BCL7A: variants seen among roughly 807,000 people sequenced by gnomAD.
BCL7A encodes the protein B-cell CLL/lymphoma 7 protein family member A.
In BCL7A, 11 loss-of-function variants were observed where a neutral mutation model predicts 28.4. That is an observed-to-expected ratio of 0.39 (90% CI 0.24 to 0.64). BCL7A has a LOEUF of 0.64. Among genes scored for constraint, BCL7A ranks in the 30% least tolerant of loss-of-function variants. The pLI is 0.50. For missense variants in BCL7A, 222 were observed against 274.8 expected, an observed-to-expected ratio of 0.81 and a Z score of 1.36; for synonymous variants, 123 against 103.3, an observed-to-expected ratio of 1.19 and a Z score of -1.15.
intron 1 of BCL7A, among the ~76,000 whole-genome samples, chr12:122,022,397 C>T (rs1262466829): frequency 7.0e-6 from 1 of 143,248 alleles, no homozygotes; most frequent in African/African-American, 2.5e-5. Context: ...CAGGTGCGCT[C>T]GCGCCTGTAG....
At chr12:122,027,071 GGCC>G in intron 1 of BCL7A, among the ~76,000 whole-genome samples, 1 of 152,194 alleles carries the variant, frequency 6.6e-6, no homozygotes, top group Non-Finnish European at 1.5e-5. Flanking sequence ...GCACACCCAG[GGCC>G]AGCTTTGCAG....
At chr12:122,052,203 AAAAT>A (rs1884206588) in intron 4 of BCL7A, among the ~76,000 whole-genome samples, 2 of 151,934 alleles carry the variant, frequency 1.3e-5, no homozygotes, top group South Asian at 2.1e-4. Flanking sequence ...TTAAAAAAAA[AAAAT>A]AAATAAACTA....
chr12:122,041,198 C>T (rs577879227), intron 3 of BCL7A, among the ~76,000 whole-genome samples: 32 of 152,224 alleles, frequency 2.1e-4, no homozygotes, highest in African/African-American at 7.5e-4. Context: ...CAGATGGGTC[C>T]GGCAAGTGGC....
At chr12:122,032,347 C>T (rs1418299384) in intron 2 of BCL7A, among the ~76,000 whole-genome samples, 1 of 152,230 alleles carries the variant, frequency 6.6e-6, no homozygotes, top group Non-Finnish European at 1.5e-5. Context: ...AAGAGCAGGG[C>T]AAGCTCCTCG....
Position 122,059,911 on chromosome 12 carries a change from A to C in BCL7A, c.*748A>C, listed in dbSNP as rs575986884. 86 of 232,488 alleles carry C rather than the reference A, an allele frequency of 3.7e-4. 1 individual carries two copies. The highest frequency in any genetic ancestry group is 2.6e-3 in the Middle Eastern group (2 of 782). The allele number at this position is 232,488 out of a possible 1,614,324, so 14.4% of individuals were successfully genotyped here. A position where few individuals can be genotyped will look rare whatever the true frequency, so the allele number is the denominator to read the frequency against. ...GTGCTCTCCCCTCCTTGGGGCGTTT[A>C]GGACTGGGCGTCTCCAAGCCCACCA... is the stretch of plus-strand genomic sequence containing the variant. On this transcript the variant is annotated 3_prime_UTR_variant, in exon 6 of 6. Transcript: ENST00000261822. The surrounding 1 kb of genome is among the most constrained non-coding windows in gnomAD (Gnocchi z 4.0).
chr12:122,023,141 G>A (rs915775159), intron 1 of BCL7A, among the ~76,000 whole-genome samples: 59 of 152,210 alleles, frequency 3.9e-4, no homozygotes, highest in Non-Finnish European at 8.8e-5. Context: ...GGCCTCGTCG[G>A]GGTCTGCTCG....
At chr12:122,025,825 T>C (rs1179173217) in intron 1 of BCL7A, among the ~76,000 whole-genome samples, 1 of 149,668 alleles carries the variant, frequency 6.7e-6, no homozygotes, top group Non-Finnish European at 1.5e-5. Flanking sequence ...TACACGCCTG[T>C]AATCCCAGCT....
intron 3 of BCL7A, among the ~76,000 whole-genome samples, chr12:122,037,905 C>T (rs762720644): frequency 1.3e-5 from 2 of 152,008 alleles, no homozygotes; most frequent in East Asian, 1.9e-4. Context: ...GCGGAGATTG[C>T]GCCATTGCAC....
intron 3 of BCL7A, 21 bp from the exon 4 acceptor site, chr12:122,043,865 T>C (rs777412253): frequency 6.3e-7 from 1 of 1,594,784 alleles, no homozygotes; most frequent in South Asian, 1.1e-5. Context: ...CATCCTGTGG[T>C]TCTGTTCCCA....
Position 122,059,080 on chromosome 12 carries a change from C to G in BCL7A, c.562-12C>G, listed in dbSNP as rs370765823. On this transcript the variant is annotated splice_polypyrimidine_tract_variant and intron_variant, in intron 5 of 5. Transcript: ENST00000261822. This position sits in a 1 kb window ranked among gnomAD's most constrained non-coding sequence, Gnocchi z 4.0. ...CCATTAACCTGTGTTCCCCTTTTCTCCTCTCCCCAAGGATTTGGAAGGAGT... is the reference window on the plus strand; with the variant it reads ...CCATTAACCTGTGTTCCCCTTTTCTGCTCTCCCCAAGGATTTGGAAGGAGT... The G allele has an allele frequency of 4.4e-6, 7 of 1,598,154 alleles. No individual in the cohort carries two copies. The South Asian group carries it at 6.6e-5, about 15-fold the overall frequency.
At chr12:122,056,009 G>A (rs1951876088) in intron 5 of BCL7A, among the ~76,000 whole-genome samples, 1 of 152,210 alleles carries the variant, frequency 6.6e-6, no homozygotes, top group African/African-American at 2.4e-5. Flanking sequence ...CTAAGGGGCT[G>A]CTTAGGGAAA....
chr12:122,040,662 G>A (rs1417719028), intron 3 of BCL7A, among the ~76,000 whole-genome samples: 1 of 151,776 alleles, frequency 6.6e-6, no homozygotes, highest in Non-Finnish European at 1.5e-5. Flanking sequence ...TTTCATTTTA[G>A]TGCACGTGCA....
At chr12:122,047,161 TA>T (rs1192533968) in intron 4 of BCL7A, among the ~76,000 whole-genome samples, 1 of 151,642 alleles carries the variant, frequency 6.6e-6, no homozygotes, top group Non-Finnish European at 1.5e-5. Flanking sequence ...CTCGGCCTCC[TA>T]AAGTGCTGGG....
rs887753274 is a variant in BCL7A at position 122,030,878 on chromosome 12, G to T, written c.174+97G>T. Reference sequence around the variant, plus strand: ...GTCCACTGCTACCCACCGTGCTGGGGCTCTGGGACCAAGAGCCCCTGGGAG... The same window carrying T: ...GTCCACTGCTACCCACCGTGCTGGGTCTCTGGGACCAAGAGCCCCTGGGAG... On this transcript the variant is annotated intron_variant, in intron 2 of 5. Coordinates refer to ENST00000261822, the MANE Select transcript of BCL7A (RefSeq NM_001024808.3). 3 of 1,297,098 alleles carry T rather than the reference G, an allele frequency of 2.3e-6. No individual in the cohort carries two copies. In the East Asian group the frequency reaches 7.1e-5, roughly 31 times the overall value. The allele number at this position is 1,297,098 out of a possible 1,614,324, so 80.3% of individuals were successfully genotyped here.
chr12:122,046,007 G>A (rs1884069147), intron 4 of BCL7A, among the ~76,000 whole-genome samples: 1 of 140,986 alleles, frequency 7.1e-6, no homozygotes, highest in Admixed American at 7.4e-5. Context: ...GGTCGAGGCT[G>A]CAGTGAGCCA....
chr12:122,056,721 G>T (rs1477810576), intron 5 of BCL7A, among the ~76,000 whole-genome samples: 1 of 152,130 alleles, frequency 6.6e-6, no homozygotes, highest in Non-Finnish European at 1.5e-5. Flanking sequence ...CGGGAGGATT[G>T]CTTGAGCCTG....
At chr12:122,025,147 C>G (rs530832404) in intron 1 of BCL7A, among the ~76,000 whole-genome samples, 7 of 152,142 alleles carry the variant, frequency 4.6e-5, no homozygotes, top group South Asian at 2.1e-4. Context: ...GGGCCCTGTG[C>G]TGGTGGAGGA....
At chr12:122,052,804 T>A (rs1884217476) in intron 4 of BCL7A, among the ~76,000 whole-genome samples, 1 of 137,690 alleles carries the variant, frequency 7.3e-6, no homozygotes, top group Non-Finnish European at 1.5e-5. Context: ...TGCCTCAGCC[T>A]CCCAAGTAGC....
At chr12:122,045,312 C>T (rs766378679) in intron 4 of BCL7A, among the ~76,000 whole-genome samples, 30 of 152,144 alleles carry the variant, frequency 2.0e-4, no homozygotes, top group Non-Finnish European at 3.7e-4. Flanking sequence ...ACCCAGGAGG[C>T]GGAGGTTGCA....
Sources: gnomAD v4.1 joint callset for allele counts (sites outside exome capture counted in the v4.1 genomes callset) on GRCh38, gnomAD v4.1.1 for gene constraint, Gnocchi (gnomAD v3.1) non-coding constraint, MANE v1.5 for transcripts, NCBI Gene and HGNC (gene_info 2026-07-23, HGNC 2026-07-21) for gene names.